The following PLD5 variants were observed in gnomAD, a reference collection of about 807,000 sequenced individuals.
PLD5 encodes the protein phospholipase D family member 5, also known as inactive phospholipase D5.
Under a neutral mutation model 61.1 loss-of-function variants are expected in PLD5, and 36 were observed. The observed-to-expected ratio is 0.59, with a 90% CI of 0.45 to 0.78. The LOEUF (loss-of-function observed/expected upper bound fraction) is 0.78, where lower values mean the gene tolerates loss of function less well. PLD5 is among the 30% of genes least tolerant of loss of function. PLD5 has a pLI of 0.00. For synonymous variants in PLD5, 243 were observed against 242.8 expected, an observed-to-expected ratio of 1.00 and a Z score of -0.01; for missense variants, 515 against 644.4, an observed-to-expected ratio of 0.80 and a Z score of 2.17.
rs1553308450 is a variant in PLD5, at chr1:242,143,850, C to CT, written c.736-19186dup. 3.0e-3 allele frequency among the ~76,000 whole-genome samples: 449 copies of CT among 149,258 alleles called. 3 individuals are homozygous for CT. Among genetic ancestry groups the CT allele is most frequent in the African/African-American group, 9.5e-3 (387 of 40,582 alleles). ...TTTTATTTCTTTCCTTTTTTTTTTC[C>CT]TTTTTTTTTGAGTCAGAGTCTTGAT... On this transcript the variant is annotated intron_variant, in intron 5 of 9. Transcript: ENST00000536534.
rs567870393 is a variant in PLD5, at chr1:242,374,499, C to A, written c.190-26257G>T. Among the ~76,000 whole-genome samples the A allele has an allele frequency of 3.9e-5, 6 of 152,246 alleles. No homozygotes were observed. In the East Asian group the frequency reaches 1.2e-3, roughly 29 times the overall value. ...GCCTATCTCTCAATACCATTCTCCC[C>A]CAGGGCTTGTCACAGAAACCAGAAC... is the stretch of plus-strand genomic sequence containing the variant. On this transcript the variant is annotated intron_variant, in intron 1 of 9. Coordinates refer to ENST00000536534, the MANE Select transcript of PLD5 (RefSeq NM_001372062.1).
At chr1:242,258,648 C>T (rs111301101) in intron 4 of PLD5, among the ~76,000 whole-genome samples, 2,053 of 152,272 alleles carry the variant, frequency 0.013, 22 homozygotes, top group Non-Finnish European at 0.021. Context: ...AGTCAACAAA[C>T]CATTTAAGGA....
At chr1:242,433,518 A>G (rs1001118966) in intron 1 of PLD5, among the ~76,000 whole-genome samples, 2 of 152,188 alleles carry the variant, frequency 1.3e-5, no homozygotes, top group African/African-American at 4.8e-5. Context: ...ATTGTTCTGT[A>G]GTTATTCATC....
chr1:242,251,304 A>G (rs1316901129), intron 4 of PLD5, among the ~76,000 whole-genome samples: 1 of 152,194 alleles, frequency 6.6e-6, no homozygotes, highest in Non-Finnish European at 1.5e-5. Flanking sequence ...GAAGAGAAGA[A>G]GCCAATGTTT....
intron 5 of PLD5, among the ~76,000 whole-genome samples, chr1:242,157,636 C>G (rs1665491041): frequency 6.6e-6 from 1 of 152,128 alleles, no homozygotes; most frequent in African/African-American, 2.4e-5. Flanking sequence ...CACTCCAGAC[C>G]CTGTTTGCCT....
chr1:242,484,564 T>C (rs1667893576), intron 1 of PLD5, among the ~76,000 whole-genome samples: 1 of 152,170 alleles, frequency 6.6e-6, no homozygotes, highest in Non-Finnish European at 1.5e-5. Context: ...GAGGCAATAA[T>C]TAATAGCCTA....
chr1:242,109,708 A>T (rs924543813), intron 7 of PLD5, among the ~76,000 whole-genome samples: 1 of 148,776 alleles, frequency 6.7e-6, no homozygotes, highest in Non-Finnish European at 1.5e-5. Flanking sequence ...ATTCCTCATT[A>T]TTTTTTTTCA....
intron 1 of PLD5, among the ~76,000 whole-genome samples, chr1:242,475,242 T>C: frequency 6.6e-6 from 1 of 151,858 alleles, no homozygotes; most frequent in Non-Finnish European, 1.5e-5. Context: ...GAAAACAAGG[T>C]GAAACCCCGT....
chr1:242,364,319 G>C lies in PLD5; in HGVS notation c.190-16077C>G, dbSNP rs942244092. ...CAGCTTCACTGAACTCACATTTATG[G>C]AGCACTCCACTAAATAAATAGAATT... On this transcript the variant is annotated intron_variant, in intron 1 of 9. Coordinates refer to ENST00000536534, the MANE Select transcript of PLD5 (RefSeq NM_001372062.1). Among the ~76,000 whole-genome samples the C allele has an allele frequency of 3.9e-4, 60 of 152,240 alleles. 1 individual carries two copies. Among genetic ancestry groups the C allele is most frequent in the African/African-American group, 1.4e-3 (58 of 41,552 alleles).
intron 1 of PLD5, among the ~76,000 whole-genome samples, chr1:242,485,009 G>C (rs368047240): frequency 5.9e-5 from 9 of 152,062 alleles, no homozygotes; most frequent in South Asian, 2.1e-4. Flanking sequence ...AAATTCAACA[G>C]CCCTTCATGC....
chr1:242,265,226 T>C, intron 4 of PLD5, 111 bp downstream of exon 4: 1 of 1,340,804 alleles, frequency 7.5e-7, no homozygotes. Flanking sequence ...ATGTACTATG[T>C]ACTAAGTGAA....
chr1:242,315,281 C>T (rs1676937715), intron 2 of PLD5, among the ~76,000 whole-genome samples: 2 of 152,284 alleles, frequency 1.3e-5, no homozygotes, highest in Middle Eastern at 3.4e-3. Context: ...GAAATTAAGA[C>T]ACTTTAAATT....
At chr1:242,337,833 C>T (rs995966148) in intron 2 of PLD5, among the ~76,000 whole-genome samples, 5 of 152,166 alleles carry the variant, frequency 3.3e-5, no homozygotes, top group South Asian at 2.1e-4. Flanking sequence ...CCTAGGTCAT[C>T]TGAACTTACC....
intron 1 of PLD5, among the ~76,000 whole-genome samples, chr1:242,475,364 A>T (rs1022131873): frequency 7.0e-6 from 1 of 142,034 alleles, no homozygotes; most frequent in Admixed American, 7.3e-5. Flanking sequence ...CGGAGCTTGC[A>T]GTGAGCCGAG....
At chr1:242,435,902 C>T (rs1466900245) in intron 1 of PLD5, among the ~76,000 whole-genome samples, 1 of 152,138 alleles carries the variant, frequency 6.6e-6, no homozygotes, top group Non-Finnish European at 1.5e-5. Flanking sequence ...CAGAAACCAA[C>T]CCAGAAAGGT....
intron 4 of PLD5, among the ~76,000 whole-genome samples, chr1:242,252,172 T>C (rs1227593362): frequency 1.3e-5 from 2 of 152,130 alleles, no homozygotes; most frequent in East Asian, 1.9e-4. Context: ...AAATATAGTA[T>C]GGGAAGAAGG....
chr1:242,236,886 T>C lies in PLD5; in HGVS notation c.608-16771A>G, dbSNP rs758128457. On this transcript the variant is annotated intron_variant, in intron 4 of 9. Transcript: ENST00000536534. ...AAAAATGTAATCACTGTTTGAACTA[T>C]CTTCCAGGTTGAAGCCTGCCAAGGA... Among the ~76,000 whole-genome samples the C allele has an allele frequency of 1.2e-4, 19 of 152,248 alleles. 1 individual carries two copies. Among genetic ancestry groups the C allele is most frequent in the Non-Finnish European group, 2.8e-4 (19 of 68,046 alleles).
intron 1 of PLD5, among the ~76,000 whole-genome samples, chr1:242,360,620 C>T (rs143596219): frequency 2.1e-3 from 323 of 152,140 alleles, no homozygotes; most frequent in African/African-American, 7.5e-3. Context: ...AAAATTGTAT[C>T]ATGCTGTAAT....
intron 3 of PLD5, among the ~76,000 whole-genome samples, chr1:242,286,610 A>T (rs1675040652): frequency 6.6e-6 from 1 of 152,132 alleles, no homozygotes; most frequent in Non-Finnish European, 1.5e-5. Context: ...GCCCCCACAC[A>T]CATCCCCTTT....
Sources: gnomAD v4.1 joint callset for allele counts (sites outside exome capture counted in the v4.1 genomes callset) on GRCh38, gnomAD v4.1.1 for gene constraint, MANE v1.5 for transcripts, NCBI Gene and HGNC (gene_info 2026-07-23, HGNC 2026-07-21) for gene names.